KCNIP4: variants seen among roughly 807,000 people sequenced by gnomAD.
KCNIP4 encodes the protein potassium voltage-gated channel interacting protein 4, also known as Kv channel-interacting protein 4.
KCNIP4 carries 12 observed loss-of-function variants against 34.0 expected under a neutral mutation model. That is an observed-to-expected ratio of 0.35 (90% CI 0.23 to 0.57). The LOEUF is 0.57. KCNIP4 is among the 20% of genes least tolerant of loss of function. The probability of loss-of-function intolerance (pLI) is 0.83; values close to 1 mark genes in which losing one functional copy is unlikely to be tolerated. For synonymous variants in KCNIP4, 124 were observed against 102.2 expected, an observed-to-expected ratio of 1.21 and a Z score of -1.29; for missense variants, 238 against 311.7, an observed-to-expected ratio of 0.76 and a Z score of 1.78.
At chr4:21,329,990 C>G (rs1019442644) in intron 1 of KCNIP4, among the ~76,000 whole-genome samples, 12 of 152,090 alleles carry the variant, frequency 7.9e-5, no homozygotes, top group African/African-American at 2.9e-4. Context: ...TAACAGGTTT[C>G]CCGTTCATTA....
chr4:21,399,390 G>A (rs577309033), intron 1 of KCNIP4, among the ~76,000 whole-genome samples: 1 of 152,210 alleles, frequency 6.6e-6, no homozygotes, highest in Non-Finnish European at 1.5e-5. Flanking sequence ...CTAGCACCAC[G>A]TGAAGCCAGA....
At chr4:21,618,783 C>T in intron 1 of KCNIP4, among the ~76,000 whole-genome samples, 1 of 151,504 alleles carries the variant, frequency 6.6e-6, no homozygotes, top group Non-Finnish European at 1.5e-5. Flanking sequence ...CAGGTGCCCG[C>T]CACCACGCCC....
At chr4:21,706,859 A>G (rs1713310311) in intron 1 of KCNIP4, among the ~76,000 whole-genome samples, 1 of 152,016 alleles carries the variant, frequency 6.6e-6, no homozygotes, top group African/African-American at 2.4e-5. Context: ...CTGCAAAGAG[A>G]AGCAGAGCAG....
intron 1 of KCNIP4, among the ~76,000 whole-genome samples, chr4:21,276,488 A>T (rs998971853): frequency 1.3e-5 from 2 of 151,610 alleles, no homozygotes; most frequent in Non-Finnish European, 2.9e-5. Flanking sequence ...CACAGGCGTG[A>T]GCCACCGCAC....
At chr4:21,442,165 G>A (rs1727538470) in intron 1 of KCNIP4, among the ~76,000 whole-genome samples, 1 of 152,136 alleles carries the variant, frequency 6.6e-6, no homozygotes, top group African/African-American at 2.4e-5. Context: ...ACCTGCCAGT[G>A]AAAGCTTATT....
chr4:21,116,986 A>G (rs1048178851), intron 1 of KCNIP4, among the ~76,000 whole-genome samples: 8 of 152,150 alleles, frequency 5.3e-5, no homozygotes, highest in Non-Finnish European at 8.8e-5. Context: ...AAATACAAAT[A>G]CAGCTACCAT....
chr4:21,870,367 A>G (rs937367182), intron 1 of KCNIP4, among the ~76,000 whole-genome samples: 1 of 152,164 alleles, frequency 6.6e-6, no homozygotes, highest in Non-Finnish European at 1.5e-5. Flanking sequence ...TGTGGGGGCT[A>G]GGGATTTCTC....
chr4:21,666,159 A>G (rs1263918094), intron 1 of KCNIP4, among the ~76,000 whole-genome samples: 1 of 152,220 alleles, frequency 6.6e-6, no homozygotes, highest in Non-Finnish European at 1.5e-5. Flanking sequence ...ATAAAAATCA[A>G]GTTGAAATGT....
intron 1 of KCNIP4, among the ~76,000 whole-genome samples, chr4:21,538,996 A>C (rs185048487): frequency 1.3e-5 from 2 of 152,188 alleles, no homozygotes; most frequent in Admixed American, 1.3e-4. Context: ...CCTGACGGTG[A>C]ATGACTTCTC....
intron 1 of KCNIP4, among the ~76,000 whole-genome samples, chr4:21,400,394 T>C (rs1286050587): frequency 2.6e-5 from 4 of 151,564 alleles, no homozygotes; most frequent in Non-Finnish European, 5.9e-5. Context: ...TGGAGAGGTA[T>C]AGTATGTGGG....
At position 20,937,485 on chromosome 4, in the gene KCNIP4, C is replaced by G. The variant is rs150511005; in HGVS notation, c.62-54776G>C. 5.6e-3 allele frequency among the ~76,000 whole-genome samples: 851 copies of G among 150,748 alleles called. 8 individuals are homozygous for G. The highest frequency in any genetic ancestry group is 0.02 in the African/African-American group (817 of 41,052). ...TCCTGACCTAGTGATCCACCCGCCT[C>G]GGCCTCCTAAAGGGCTGGGATTACA... On this transcript the variant is annotated intron_variant, in intron 1 of 8. Transcript: ENST00000382152.
intron 1 of KCNIP4, among the ~76,000 whole-genome samples, chr4:21,876,228 A>C (rs1578100152): frequency 6.6e-6 from 1 of 152,216 alleles, no homozygotes; most frequent in African/African-American, 2.4e-5. Context: ...GTAATTTTTA[A>C]CTATATCTGT....
At chr4:21,468,818 G>A (rs903225634) in intron 1 of KCNIP4, among the ~76,000 whole-genome samples, 1 of 152,026 alleles carries the variant, frequency 6.6e-6, no homozygotes, top group Non-Finnish European at 1.5e-5. Flanking sequence ...TTTTTTGCTA[G>A]CGCACTTTTT....
chr4:21,712,698 T>G (rs960087699), intron 1 of KCNIP4, among the ~76,000 whole-genome samples: 9 of 152,170 alleles, frequency 5.9e-5, no homozygotes, highest in African/African-American at 2.2e-4. Context: ...ACACGTTTAC[T>G]CCGGCACCTA....
At chr4:20,812,466 C>T (rs1272131381) in intron 3 of KCNIP4, among the ~76,000 whole-genome samples, 2 of 152,124 alleles carry the variant, frequency 1.3e-5, no homozygotes, top group Non-Finnish European at 2.9e-5. Flanking sequence ...GAGTTAGACA[C>T]TGGGATATGA....
intron 1 of KCNIP4, among the ~76,000 whole-genome samples, chr4:21,064,451 T>G (rs1048514665): frequency 6.6e-6 from 1 of 151,972 alleles, no homozygotes; most frequent in Admixed American, 6.6e-5. Context: ...TAACAATTAA[T>G]AGTATGTACA....
chr4:21,555,233 G>A (rs1230533997), intron 1 of KCNIP4, among the ~76,000 whole-genome samples: 1 of 152,140 alleles, frequency 6.6e-6, no homozygotes, highest in Non-Finnish European at 1.5e-5. Flanking sequence ...TCACTGCAAT[G>A]GAGAAGCCAA....
chr4:21,011,378 T>C (rs1192902579), intron 1 of KCNIP4, among the ~76,000 whole-genome samples: 1 of 152,196 alleles, frequency 6.6e-6, no homozygotes, highest in African/African-American at 2.4e-5. Flanking sequence ...TTGTTATTGT[T>C]CTGAAAGTCT....
At chr4:20,738,961 G>T (rs1750376777) in intron 5 of KCNIP4, among the ~76,000 whole-genome samples, 1 of 152,152 alleles carries the variant, frequency 6.6e-6, no homozygotes, top group Non-Finnish European at 1.5e-5. Context: ...GGCTCAGAGT[G>T]GCCCACACCC....
Sources: allele counts gnomAD v4.1 joint callset (sites outside exome capture counted in the v4.1 genomes callset), GRCh38; gene constraint gnomAD v4.1.1; transcripts MANE v1.5; gene names NCBI Gene and HGNC (gene_info 2026-07-23, HGNC 2026-07-21).